MSI2: variants seen among roughly 807,000 people sequenced by gnomAD.
MSI2 encodes the protein RNA-binding protein Musashi homolog 2.
In MSI2, 17 loss-of-function variants were observed where a neutral mutation model predicts 45.6. The observed-to-expected ratio is 0.37, with a 90% CI of 0.26 to 0.56. The LOEUF (loss-of-function observed/expected upper bound fraction) is 0.56, where lower values mean the gene tolerates loss of function less well. Ranked by LOEUF, MSI2 falls within the 20% of genes least tolerant of loss-of-function variation. MSI2 has a pLI of 0.77. For missense variants in MSI2, 293 were observed against 444.2 expected (o/e 0.66, Z 3.06); for synonymous variants, 156 against 158.2 (o/e 0.99, Z 0.11).
intron 7 of MSI2, among the ~76,000 whole-genome samples, chr17:57,585,767 C>T (rs2088328953): frequency 6.6e-6 from 1 of 152,220 alleles, no homozygotes; most frequent in South Asian, 2.1e-4. Context: ...CTCAGAAAGC[C>T]CTGAGTTGAG....
intron 5 of MSI2, among the ~76,000 whole-genome samples, chr17:57,389,542 AAC>A (rs1311988366): frequency 3.9e-5 from 6 of 152,184 alleles, no homozygotes; most frequent in Non-Finnish European, 1.5e-5. Flanking sequence ...TACTAGAACT[AAC>A]ACAGGCTCTT....
At chr17:57,582,556 T>C (rs778022133) in intron 7 of MSI2, among the ~76,000 whole-genome samples, 2 of 152,204 alleles carry the variant, frequency 1.3e-5, no homozygotes, top group Non-Finnish European at 2.9e-5. Context: ...TTTTGATACT[T>C]GGTTTTAATG....
intron 6 of MSI2, among the ~76,000 whole-genome samples, chr17:57,526,395 G>T (rs2086701320): frequency 6.7e-6 from 1 of 149,724 alleles, no homozygotes. Flanking sequence ...GTGTGTGTGT[G>T]TGTGTGTGTG....
At chr17:57,393,441 C>T (rs117829859) in intron 5 of MSI2, among the ~76,000 whole-genome samples, 125 of 152,296 alleles carry the variant, frequency 8.2e-4, no homozygotes, top group South Asian at 1.9e-3. Context: ...ATCCATGTTG[C>T]AGCATGTGTC....
In MSI2 at chr17:57,652,145, G is replaced by A. The variant is rs201072118; in HGVS notation, c.774G>A (p.Ala258=). 3.3e-5 allele frequency: 54 copies of A among 1,613,986 alleles called. No individual in the cohort carries two copies. The East Asian group carries it at 6.2e-4, about 19-fold the overall frequency. ...GACCAGTGGCAGCAGCGGCGGTGGC[G>A]GCAGCAAGAGGATCAGGTAGGAAGG... ...AYGPVAAAAV[A]AARGSGSNPA... Residue 258 remains alanine, a synonymous_variant, in exon 11 of 14, where the codon GCG becomes GCA. Transcript: ENST00000284073. This position sits in a 1 kb window ranked among gnomAD's most constrained non-coding sequence, Gnocchi z 4.1.
chr17:57,694,919 C>A, the MSI2 span, among the ~76,000 whole-genome samples: 2 of 152,162 alleles, frequency 1.3e-5, no homozygotes, highest in Non-Finnish European at 2.9e-5. Flanking sequence ...ATAACTCATG[C>A]AATGATTATG....
At chr17:57,258,867 G>A (rs1907059521) in intron 4 of MSI2, among the ~76,000 whole-genome samples, 1 of 152,170 alleles carries the variant, frequency 6.6e-6, no homozygotes, top group Admixed American at 6.5e-5. Flanking sequence ...GGACGCTGGC[G>A]GAGCTGAGCT....
intron 6 of MSI2, among the ~76,000 whole-genome samples, chr17:57,527,510 G>A (rs2086729470): frequency 6.6e-6 from 1 of 152,224 alleles, no homozygotes; most frequent in Admixed American, 6.5e-5. Context: ...GTCCTGCCTG[G>A]GATGGGCATG....
intron 10 of MSI2, among the ~76,000 whole-genome samples, chr17:57,651,500 A>G (rs142954669): frequency 9.9e-4 from 150 of 152,154 alleles, no homozygotes; most frequent in East Asian, 8.9e-3. Flanking sequence ...GGACCCCCCA[A>G]TGCTTCACCC....
intron 9 of MSI2, among the ~76,000 whole-genome samples, chr17:57,622,655 A>AG (rs2144589012): frequency 6.6e-6 from 1 of 150,594 alleles, no homozygotes; most frequent in African/African-American, 2.4e-5. Flanking sequence ...AATGTGAGCA[A>AG]AAAAAAAAAG....
chr17:57,258,159 G>A, intron 3 of MSI2, 111 bp from the exon 4 acceptor site: 1 of 826,384 alleles, frequency 1.2e-6, no homozygotes, highest in Non-Finnish European at 2.1e-6. Flanking sequence ...GGAGGTGGGG[G>A]TGCGTGGGGG....
intron 11 of MSI2, among the ~76,000 whole-genome samples, chr17:57,654,932 T>TC (rs1315802869): frequency 7.6e-6 from 1 of 131,360 alleles, no homozygotes; most frequent in South Asian, 2.4e-4. Context: ...TTTTTTTTTT[T>TC]CCTTCCATTA....
chr17:57,686,680 GACAC>G (rs1913892210), downstream of MSI2, among the ~76,000 whole-genome samples: 1 of 152,108 alleles, frequency 6.6e-6, no homozygotes, highest in Non-Finnish European at 1.5e-5. Context: ...CATGACAAAA[GACAC>G]AATCTATTAA....
At chr17:57,654,755 C>T (rs1010433105) in intron 11 of MSI2, among the ~76,000 whole-genome samples, 2 of 152,128 alleles carry the variant, frequency 1.3e-5, no homozygotes, top group African/African-American at 4.8e-5. Context: ...TGAGTACCTA[C>T]CTTGAACCTG....
intron 7 of MSI2, among the ~76,000 whole-genome samples, chr17:57,587,137 C>G (rs1271951673): frequency 1.3e-5 from 2 of 152,136 alleles, no homozygotes; most frequent in Non-Finnish European, 2.9e-5. Context: ...GCTGCAGGAC[C>G]ATACCCAGAA....
chr17:57,546,095 C>G (rs2087161289), intron 7 of MSI2, among the ~76,000 whole-genome samples: 1 of 152,140 alleles, frequency 6.6e-6, no homozygotes, highest in Admixed American at 6.5e-5. Flanking sequence ...CGATTATGCC[C>G]AATTTATCAC....
intron 6 of MSI2, among the ~76,000 whole-genome samples, chr17:57,490,915 G>A (rs1419579537): frequency 6.6e-6 from 1 of 152,090 alleles, no homozygotes; most frequent in East Asian, 1.9e-4. Context: ...CTAGCCAGGG[G>A]CAGCAGCTTA....
intron 6 of MSI2, among the ~76,000 whole-genome samples, chr17:57,483,448 G>A (rs1309243411): frequency 6.6e-6 from 1 of 152,060 alleles, no homozygotes; most frequent in Non-Finnish European, 1.5e-5. Context: ...AATGACTGGC[G>A]CCCCCCAAAT....
intron 5 of MSI2, among the ~76,000 whole-genome samples, chr17:57,301,277 T>G (rs187216673): frequency 2.1e-3 from 323 of 152,356 alleles, no homozygotes; most frequent in African/African-American, 7.5e-3. Flanking sequence ...TAGTAAGTAC[T>G]GAGCACCCTT....
Sources: allele counts gnomAD v4.1 joint callset (sites outside exome capture counted in the v4.1 genomes callset), GRCh38; gene constraint gnomAD v4.1.1; non-coding constraint Gnocchi (gnomAD v3.1); transcripts MANE v1.5; gene names NCBI Gene and HGNC (gene_info 2026-07-23, HGNC 2026-07-21).